Variants in KDM6A observed in about 807,000 individuals in gnomAD.
KDM6A encodes lysine demethylase 6A, also known as lysine-specific demethylase 6A.
Under a neutral mutation model 117.6 loss-of-function variants are expected in KDM6A, and 11 were observed. The ratio of observed to expected loss-of-function variants is 0.09; its 90% CI spans 0.06 to 0.15. The LOEUF is 0.15. Ranked by LOEUF, KDM6A falls within the 10% of genes least tolerant of loss-of-function variation. The pLI, the probability that KDM6A is intolerant of heterozygous loss-of-function variation, is 1.00. For missense variants in KDM6A, 799 were observed against 1,077.3 expected, an observed-to-expected ratio of 0.74 and a Z score of 3.62; for synonymous variants, 384 against 396.1, an observed-to-expected ratio of 0.97 and a Z score of 0.36.
At chrX:45,040,825 A>C (rs1602688178) in intron 8 of KDM6A, among the ~76,000 whole-genome samples, 1 of 59,020 alleles carries the variant, frequency 1.7e-5, no homozygotes, top group African/African-American at 6.9e-5. Context: ...CGGGGGGCTG[A>C]TCCCCCCACC....
Position 44,942,192 on chromosome X carries a change from G to T in KDM6A, c.226-19092G>T, listed in dbSNP as rs758179864. ...TGGGATTACAGGTGCGCGCCACCAC[G>T]CCCAGCTAATTTTTGTATTTTTAGT... On this transcript the variant is annotated intron_variant, in intron 2 of 29. Transcript: ENST00000611820. Among the ~76,000 whole-genome samples the T allele has an allele frequency of 4.0e-4, 44 of 109,910 alleles. No individual in the cohort carries two copies. The East Asian group carries it at 0.012, about 30-fold the overall frequency.
intron 2 of KDM6A, among the ~76,000 whole-genome samples, chrX:44,941,060 T>C (rs1487757498): frequency 9.0e-6 from 1 of 111,205 alleles, no homozygotes; most frequent in African/African-American, 3.3e-5. Flanking sequence ...TAAAACAACA[T>C]GTACTCAAGG....
intron 27 of KDM6A, among the ~76,000 whole-genome samples, chrX:45,097,205 T>C (rs1162534166): frequency 9.1e-6 from 1 of 109,872 alleles, no homozygotes; most frequent in African/African-American, 3.3e-5. Flanking sequence ...CTGGGACCGA[T>C]TGGAGTATGG....
intron 2 of KDM6A, among the ~76,000 whole-genome samples, chrX:44,907,506 C>T (rs1326780686): frequency 1.1e-5 from 1 of 90,531 alleles, no homozygotes; most frequent in African/African-American, 4.2e-5. Flanking sequence ...TCTGAGACAG[C>T]GTCTTGTTCT....
Position 45,060,143 on chromosome X carries a change from A to G in KDM6A, c.1316A>G (p.Asn439Ser). 1 of 1,211,748 alleles carries G rather than the reference A, an allele frequency of 8.3e-7. No individual in the cohort carries two copies. Among genetic ancestry groups the G allele is most frequent in the South Asian group, 1.8e-5 (1 of 56,930 alleles). Residue 439 changes from asparagine (N) to serine (S), a missense_variant, in exon 13 of 30, where the codon AAC (asparagine) becomes AGC (serine). Physicochemically the swap from Asn to Ser is conservative, Grantham distance 46. Around this residue, in one of 8 missense-constraint regions of KDM6A, gnomAD observed 301 missense variants for 318.3 expected, o/e 0.95. Coordinates refer to ENST00000611820, the MANE Select transcript of KDM6A (RefSeq NM_001291415.2). ...CTTACCTCCAGGCAGGGTGCCATGAACACAGCACAGCAGGTGAGAAGTTGG... is the reference window on the plus strand; with the variant it reads ...CTTACCTCCAGGCAGGGTGCCATGAGCACAGCACAGCAGGTGAGAAGTTGG... ...AELTSRQGAM[N>S]TAQQACKPHH...
intron 2 of KDM6A, among the ~76,000 whole-genome samples, chrX:44,911,120 G>A (rs1602153277): frequency 9.3e-6 from 1 of 107,443 alleles, no homozygotes; most frequent in Non-Finnish European, 1.9e-5. Flanking sequence ...CTGGCCGGGC[G>A]GGGGCTGGCC....
intron 3 of KDM6A, among the ~76,000 whole-genome samples, chrX:44,974,200 C>T (rs2039506329): frequency 9.0e-6 from 1 of 111,193 alleles, no homozygotes; most frequent in Non-Finnish European, 1.9e-5. Flanking sequence ...GGTCAGATTG[C>T]CTGAACAACA....
At chrX:45,080,464 C>T (rs865816016) in intron 21 of KDM6A, among the ~76,000 whole-genome samples, 1 of 111,771 alleles carries the variant, frequency 8.9e-6, no homozygotes, top group Middle Eastern at 4.7e-3. Flanking sequence ...GTTTATTAAA[C>T]GTATTACTCA....
intron 6 of KDM6A, among the ~76,000 whole-genome samples, chrX:45,021,524 G>A (rs1294421975): frequency 9.0e-6 from 1 of 111,050 alleles, no homozygotes; most frequent in African/African-American, 3.3e-5. Flanking sequence ...AGGGTGGTTG[G>A]GGAGATAAAG....
chrX:44,984,000 T>C (rs1376387975), intron 4 of KDM6A, among the ~76,000 whole-genome samples: 5 of 110,711 alleles, frequency 4.5e-5, no homozygotes, highest in Admixed American at 2.9e-4. Context: ...ACTTCCACAA[T>C]GGTTGAACTA....
intron 28 of KDM6A, among the ~76,000 whole-genome samples, chrX:45,108,649 G>A (rs528447046): frequency 1.9e-5 from 2 of 102,593 alleles, no homozygotes; most frequent in East Asian, 3.0e-4. Context: ...AAATCATGCT[G>A]CTATAAAGAC....
chrX:45,081,377 AT>A (rs754369763), intron 21 of KDM6A, among the ~76,000 whole-genome samples: 1 of 112,352 alleles, frequency 8.9e-6, no homozygotes, highest in South Asian at 3.7e-4. Flanking sequence ...GTGTTAACAG[AT>A]ATCATGTCTG....
chrX:45,050,457 C>G (rs760558479), intron 8 of KDM6A, among the ~76,000 whole-genome samples: 23 of 111,983 alleles, frequency 2.1e-4, no homozygotes, highest in Non-Finnish European at 3.6e-4. Flanking sequence ...TTAGGACAAC[C>G]CTGTAGGTAG....
chrX:44,916,671 C>T (rs914862367), intron 2 of KDM6A, among the ~76,000 whole-genome samples: 7 of 110,064 alleles, frequency 6.4e-5, no homozygotes, highest in African/African-American at 1.7e-4. Flanking sequence ...ATTTAGAGAC[C>T]GGGTCTCACT....
chrX:45,061,296 A>T, intron 14 of KDM6A, 28 bp from the exon 15 acceptor site: 4 of 895,897 alleles, frequency 4.5e-6, no homozygotes, highest in South Asian at 2.2e-5. Flanking sequence ...ATATTCTTTA[A>T]TTTTTTTTTT....
intron 20 of KDM6A, among the ~76,000 whole-genome samples, chrX:45,078,727 A>C (rs754383577): frequency 9.1e-6 from 1 of 109,459 alleles, no homozygotes; most frequent in Non-Finnish European, 1.9e-5. Flanking sequence ...GGTTACTGAC[A>C]ATTTGGTGGA....
At chrX:45,111,052 T>C (rs1250690339) in intron 29 of KDM6A, among the ~76,000 whole-genome samples, 1 of 112,095 alleles carries the variant, frequency 8.9e-6, no homozygotes, top group African/African-American at 3.2e-5. Flanking sequence ...ACTAGTGAAA[T>C]TGTAATTTGT....
chrX:45,061,483 ATTTTTTTTTTTT>A (rs1161774144), intron 15 of KDM6A, 64 bp downstream of exon 15: 20 of 234,707 alleles, frequency 8.5e-5, no homozygotes, highest in African/African-American at 6.5e-4. Flanking sequence ...ACAAGTATTA[ATTTTTTTTTTTT>A]TTTTTTTTTT....
intron 4 of KDM6A, among the ~76,000 whole-genome samples, chrX:44,980,358 A>G (rs2039839228): frequency 9.0e-6 from 1 of 111,280 alleles, no homozygotes; most frequent in African/African-American, 3.3e-5. Flanking sequence ...TTGCCTTTGC[A>G]TATAAAGTGC....
Sources: allele counts gnomAD v4.1 joint callset (sites outside exome capture counted in the v4.1 genomes callset), GRCh38; gene constraint gnomAD v4.1.1; regional missense constraint gnomAD v4.1.1; transcripts MANE v1.5; gene names NCBI Gene and HGNC (gene_info 2026-07-23, HGNC 2026-07-21).